KIF3A: variants seen among roughly 807,000 people sequenced by gnomAD.
The protein encoded by KIF3A is kinesin-like protein KIF3A.
Under a neutral mutation model 92.6 loss-of-function variants are expected in KIF3A, and 27 were observed. That is an observed-to-expected ratio of 0.29 (90% CI 0.21 to 0.40). The LOEUF is 0.40. KIF3A is among the 10% of genes least tolerant of loss of function. The probability of loss-of-function intolerance (pLI) is 1.00; values close to 1 mark genes in which losing one functional copy is unlikely to be tolerated. For synonymous variants in KIF3A, 250 were observed against 275.4 expected, an observed-to-expected ratio of 0.91 and a Z score of 0.92; for missense variants, 581 against 872.6, an observed-to-expected ratio of 0.67 and a Z score of 4.21.
Position 132,699,292 on chromosome 5 carries a change from A to C in KIF3A, c.2011T>G (p.Phe671Val). Residue 671 changes from phenylalanine to valine, a missense_variant, in exon 18 of 19, where the codon TTT becomes GTT. Phe to Val is a conservative substitution (Grantham distance 50). Around this residue, in one of 5 missense-constraint regions of KIF3A, gnomAD observed 112 missense variants for 144.3 expected, o/e 0.78. Coordinates refer to ENST00000403231, the MANE Select transcript of KIF3A (RefSeq NM_001300791.2). ...TACACGTGAGAAAGGTCCACCTCAA[A>C]GGGCTAAGTAAAAGAAACAAACACA... ...PVPDKKEKDP[F>V]EVDLSHVYLA... 1 of 1,612,682 alleles carries C rather than the reference A, an allele frequency of 6.2e-7. No individual in the cohort carries two copies. The highest frequency in any genetic ancestry group is 8.5e-7 in the Non-Finnish European group (1 of 1,179,488).
rs1752706899 is a variant in KIF3A at position 132,692,966 on chromosome 5, T to A, written c.*3668A>T. ...GGGCAGACATTGGTGTACTTAAATG[T>A]AAACGCTACCCATTCCTTAATTCAC... On this transcript the variant is annotated 3_prime_UTR_variant, in exon 19 of 19. Transcript: ENST00000403231. 1 of 152,612 alleles carries A rather than the reference T, an allele frequency of 6.6e-6. No homozygotes were observed. The highest frequency in any genetic ancestry group is 2.4e-5 in the African/African-American group (1 of 41,452). 9.5% of individuals were successfully genotyped at this position (152,612 alleles called of 1,614,324 possible).
intron 2 of KIF3A, among the ~76,000 whole-genome samples, chr5:132,733,294 T>C (rs1754293594): frequency 1.3e-5 from 2 of 152,148 alleles, no homozygotes; most frequent in African/African-American, 4.8e-5. Context: ...TCACAAAAGC[T>C]ACCTAAAGAA....
chr5:132,716,689 T>C (rs1753636438), intron 6 of KIF3A, among the ~76,000 whole-genome samples, 156 bp downstream of exon 6: 1 of 152,230 alleles, frequency 6.6e-6, no homozygotes, highest in Admixed American at 6.5e-5. Flanking sequence ...TACTTTCATA[T>C]ACATTTGAAA....
chr5:132,705,819 T>G (rs1327265405), intron 11 of KIF3A, among the ~76,000 whole-genome samples: 1 of 152,096 alleles, frequency 6.6e-6, no homozygotes, highest in African/African-American at 2.4e-5. Context: ...ACCAGGTATT[T>G]AAAAATGTGA....
At chr5:132,713,679 T>C (rs1364970621) in intron 8 of KIF3A, among the ~76,000 whole-genome samples, 1 of 152,112 alleles carries the variant, frequency 6.6e-6, no homozygotes, top group African/African-American at 2.4e-5. Flanking sequence ...CCCACGTTCA[T>C]AGCAGCATTA....
At position 132,734,237 on chromosome 5, in the gene KIF3A, G is replaced by C. The variant is rs777275666; in HGVS notation, c.248C>G (p.Pro83Arg). The C allele has an allele frequency of 6.2e-6, 10 of 1,613,598 alleles. No individual in the cohort carries two copies. The highest frequency in any genetic ancestry group is 8.5e-6 in the Non-Finnish European group (10 of 1,179,702). ...QLDVYNLTAR[P>R]IIDSVLEGYN... ...GCCTTCAAGTACAGAATCAATAATA[G>C]GTCTTGCAGTTAAGTTATAAACATC... Residue 83 changes from proline (P) to arginine (R), a missense_variant, in exon 2 of 19, where the codon CCT (proline) becomes CGT (arginine). Pro to Arg is a moderately radical substitution (Grantham distance 103). Transcript: ENST00000403231.
At chr5:132,698,527 C>T (rs918971017) in intron 18 of KIF3A, among the ~76,000 whole-genome samples, 2 of 152,058 alleles carry the variant, frequency 1.3e-5, no homozygotes, top group African/African-American at 2.4e-5. Flanking sequence ...GAATACAATA[C>T]CTTGGGAGAC....
chr5:132,702,763 TC>T (rs1753084178), intron 13 of KIF3A, 95 bp from the exon 14 acceptor site: 7 of 1,277,900 alleles, frequency 5.5e-6, no homozygotes, highest in Non-Finnish European at 6.7e-6. Context: ...GCAAATCTGA[TC>T]TTCAAAGCAA....
Position 132,702,068 on chromosome 5 carries a change from CAG to C in KIF3A, c.1884+17_1884+18del. 6.3e-7 allele frequency: 1 copy of C among 1,599,658 alleles called. No homozygotes were observed. The highest frequency in any genetic ancestry group is 8.5e-7 in the Non-Finnish European group (1 of 1,169,604). On this transcript the variant is annotated intron_variant, in intron 15 of 18. Transcript: ENST00000403231. ...ATCCCAGTCAAGCGACTATCTCGGT[CAG>C]AGAACTTCCTTTTTACCTGATAATC...
chr5:132,720,004 G>A (rs1753772743), intron 5 of KIF3A, among the ~76,000 whole-genome samples: 1 of 151,964 alleles, frequency 6.6e-6, no homozygotes, highest in Non-Finnish European at 1.5e-5. Flanking sequence ...AGGTTTTTTG[G>A]GTTTCTTCCA....
chr5:132,722,779 C>A (rs1753867990), intron 4 of KIF3A, among the ~76,000 whole-genome samples: 1 of 152,154 alleles, frequency 6.6e-6, no homozygotes, highest in Non-Finnish European at 1.5e-5. Flanking sequence ...TTGTAAAAGA[C>A]CATGTCATTG....
chr5:132,727,766 G>A (rs1754082962), intron 2 of KIF3A, among the ~76,000 whole-genome samples: 1 of 152,186 alleles, frequency 6.6e-6, no homozygotes, highest in African/African-American at 2.4e-5. Flanking sequence ...ACCAAGGGTC[G>A]ATGTGGGGAA....
chr5:132,735,695 C>T (rs919249285), intron 1 of KIF3A, among the ~76,000 whole-genome samples: 2 of 152,176 alleles, frequency 1.3e-5, no homozygotes, highest in African/African-American at 4.8e-5. Context: ...AATCAGATTG[C>T]CCTACTGCCT....
chr5:132,726,029 T>TA, intron 4 of KIF3A, 99 bp downstream of exon 4: 1 of 779,048 alleles, frequency 1.3e-6, no homozygotes, highest in Non-Finnish European at 2.1e-6. Flanking sequence ...ATTTAAAATA[T>TA]AAAAAGCAAC....
At chr5:132,691,253 G>A (rs1205024843), downstream of KIF3A, among the ~76,000 whole-genome samples, 1 of 152,110 alleles carries the variant, frequency 6.6e-6, no homozygotes, top group East Asian at 1.9e-4. Context: ...AATTCAGATA[G>A]AAGTATTTTT....
intron 11 of KIF3A, 128 bp from the exon 12 acceptor site, chr5:132,703,747 A>C: frequency 1.6e-6 from 1 of 645,124 alleles, no homozygotes; most frequent in East Asian, 2.8e-5. Flanking sequence ...CAATATTTTA[A>C]GGAAATCAAA....
At position 132,716,354 on chromosome 5, in the gene KIF3A, T is replaced by G. The variant is rs753675967; in HGVS notation, c.845A>C (p.Asn282Thr). 6.2e-7 allele frequency: 1 copy of G among 1,613,986 alleles called. No homozygotes were observed. Among genetic ancestry groups the G allele is most frequent in the Non-Finnish European group, 8.5e-7 (1 of 1,179,872 alleles). Residue 282 changes from asparagine to threonine, a missense_variant, in exon 7 of 19, where the codon AAT (asparagine) becomes ACT (threonine). Asn to Thr is a moderately conservative substitution (Grantham distance 65). Coordinates refer to ENST00000403231, the MANE Select transcript of KIF3A (RefSeq NM_001300791.2). ...TCCATCAACCAAGGCAGAAATTACA[T>G]TACCAAGGGTGGAAAGTGAAAGATT... is the stretch of plus-strand genomic sequence containing the variant. ...KINLSLSTLGNVISALVDGKS... is the reference protein window; with the variant it reads ...KINLSLSTLGTVISALVDGKS...
downstream of KIF3A, among the ~76,000 whole-genome samples, chr5:132,691,090 C>T (rs768940221): frequency 3.3e-5 from 5 of 152,100 alleles, no homozygotes; most frequent in Non-Finnish European, 7.3e-5. Flanking sequence ...ATGTTATTGT[C>T]TTGGAGATAC....
At chr5:132,707,932 A>G (rs1177394057) in intron 10 of KIF3A, among the ~76,000 whole-genome samples, 2 of 152,242 alleles carry the variant, frequency 1.3e-5, no homozygotes, top group Non-Finnish European at 2.9e-5. Flanking sequence ...AAATAAGTCT[A>G]GATGGATCCT....
Sources: gnomAD v4.1 joint callset for allele counts (sites outside exome capture counted in the v4.1 genomes callset) on GRCh38, gnomAD v4.1.1 for gene constraint, gnomAD v4.1.1 regional missense constraint, MANE v1.5 for transcripts, NCBI Gene and HGNC (gene_info 2026-07-23, HGNC 2026-07-21) for gene names.